MDGA2: variants seen among roughly 807,000 people sequenced by gnomAD.
MDGA2 encodes MAM domain-containing glycosylphosphatidylinositol anchor protein 2.
In MDGA2, 40 loss-of-function variants were observed where a neutral mutation model predicts 117.8. The ratio of observed to expected loss-of-function variants is 0.34; its 90% CI spans 0.26 to 0.44. The LOEUF (loss-of-function observed/expected upper bound fraction) is 0.44. Ranked by LOEUF, MDGA2 falls within the 20% of genes least tolerant of loss-of-function variation. MDGA2 has a pLI of 1.00. For missense variants in MDGA2, 1,123 were observed against 1,250.6 expected (o/e 0.90, Z 1.54); for synonymous variants, 452 against 439.0 (o/e 1.03, Z -0.37).
intron 8 of MDGA2, among the ~76,000 whole-genome samples, chr14:46,978,266 T>C (rs1241085920): frequency 6.6e-6 from 1 of 151,988 alleles, no homozygotes; most frequent in African/African-American, 2.4e-5. Flanking sequence ...ATGAAAAATA[T>C]GTTAGGAACC....
chr14:47,141,642 T>C (rs564967596), intron 4 of MDGA2, among the ~76,000 whole-genome samples: 106 of 152,248 alleles, frequency 7.0e-4, no homozygotes, highest in African/African-American at 2.5e-3. Flanking sequence ...TACTATATTA[T>C]CTACTCATGT....
intron 1 of MDGA2, among the ~76,000 whole-genome samples, chr14:47,643,604 C>A (rs1385240998): frequency 2.0e-5 from 3 of 152,064 alleles, no homozygotes; most frequent in African/African-American, 4.8e-5. Context: ...AGCAAAGAGG[C>A]ACCAAATGTT....
intron 2 of MDGA2, among the ~76,000 whole-genome samples, chr14:47,253,485 C>T: frequency 6.6e-6 from 1 of 152,230 alleles, no homozygotes; most frequent in East Asian, 1.9e-4. Context: ...ATCATTAAAA[C>T]TTAAAGTTCC....
intron 3 of MDGA2, among the ~76,000 whole-genome samples, chr14:47,165,661 G>A (rs980490677): frequency 1.9e-4 from 29 of 152,208 alleles, no homozygotes; most frequent in African/African-American, 6.8e-4. Context: ...ATAAATCAAA[G>A]TGGAAGGGTC....
At chr14:47,057,551 GT>G (rs967644064) in intron 7 of MDGA2, among the ~76,000 whole-genome samples, 1 of 151,958 alleles carries the variant, frequency 6.6e-6, no homozygotes, top group African/African-American at 2.4e-5. Context: ...ATATATCATA[GT>G]TTTTATCAAT....
chr14:47,639,853 T>C (rs1348381667), intron 1 of MDGA2, among the ~76,000 whole-genome samples: 5 of 152,156 alleles, frequency 3.3e-5, no homozygotes, highest in African/African-American at 1.2e-4. Flanking sequence ...CAAATATCTA[T>C]ATAGCTTAAA....
chr14:46,968,161 G>A (rs1886110944), intron 8 of MDGA2, among the ~76,000 whole-genome samples: 1 of 152,126 alleles, frequency 6.6e-6, no homozygotes, highest in African/African-American at 2.4e-5. Context: ...GCAGGAGGCT[G>A]GGCACTTTCA....
chr14:46,854,185 A>G (rs886713434), intron 15 of MDGA2, among the ~76,000 whole-genome samples: 10 of 151,792 alleles, frequency 6.6e-5, no homozygotes, highest in African/African-American at 2.4e-4. Context: ...ATGCCATGAA[A>G]TGCATAAAAA....
At chr14:47,452,016 A>G (rs1187074991) in intron 1 of MDGA2, among the ~76,000 whole-genome samples, 1 of 152,136 alleles carries the variant, frequency 6.6e-6, no homozygotes, top group Non-Finnish European at 1.5e-5. Context: ...GATTTGCTCA[A>G]TATGGTGCAC....
intron 2 of MDGA2, among the ~76,000 whole-genome samples, chr14:47,254,709 C>T (rs1159391647): frequency 6.6e-6 from 1 of 152,128 alleles, no homozygotes; most frequent in Non-Finnish European, 1.5e-5. Context: ...TTATCCAGTT[C>T]CAATTTTCGG....
At chr14:47,134,795 A>C (rs1594656833) in intron 4 of MDGA2, among the ~76,000 whole-genome samples, 1 of 151,306 alleles carries the variant, frequency 6.6e-6, no homozygotes, top group Admixed American at 6.6e-5. Context: ...ATATATATAT[A>C]TCACACACAT....
At chr14:47,322,226 G>C (rs979776986) in intron 1 of MDGA2, among the ~76,000 whole-genome samples, 4 of 152,112 alleles carry the variant, frequency 2.6e-5, no homozygotes, top group Non-Finnish European at 5.9e-5. Flanking sequence ...AACCTTAGCA[G>C]AAATAACTTA....
intron 1 of MDGA2, among the ~76,000 whole-genome samples, chr14:47,583,676 G>T (rs555799711): frequency 9.8e-4 from 149 of 151,684 alleles, no homozygotes; most frequent in African/African-American, 3.5e-3. Context: ...CTCTGTATTT[G>T]GATCTTGGAT....
At chr14:47,609,831 G>A (rs1896816093) in intron 1 of MDGA2, among the ~76,000 whole-genome samples, 1 of 151,786 alleles carries the variant, frequency 6.6e-6, no homozygotes. Context: ...TATTCCACAA[G>A]ACAGAGACAG....
At chr14:47,371,959 G>C (rs1037827262) in intron 1 of MDGA2, among the ~76,000 whole-genome samples, 2 of 151,382 alleles carry the variant, frequency 1.3e-5, no homozygotes, top group Non-Finnish European at 3.0e-5. Flanking sequence ...TTTGAAATAT[G>C]TTTACAAAAA....
At chr14:47,440,482 G>A (rs961555429) in intron 1 of MDGA2, among the ~76,000 whole-genome samples, 1 of 152,070 alleles carries the variant, frequency 6.6e-6, no homozygotes, top group South Asian at 2.1e-4. Context: ...GACAGTGATG[G>A]CAACTTAAGT....
At chr14:46,930,855 A>G (rs575041339) in intron 9 of MDGA2, among the ~76,000 whole-genome samples, 1 of 152,246 alleles carries the variant, frequency 6.6e-6, no homozygotes, top group African/African-American at 2.4e-5. Context: ...TCTTCTTCAT[A>G]TATTGTCCCA....
At chr14:47,570,653 G>A (rs1282419267) in intron 1 of MDGA2, among the ~76,000 whole-genome samples, 1 of 152,146 alleles carries the variant, frequency 6.6e-6, no homozygotes, top group Non-Finnish European at 1.5e-5. Flanking sequence ...CAAGCAATGG[G>A]GAAAGGATTC....
chr14:47,229,112 A>G (rs543641139), intron 2 of MDGA2, among the ~76,000 whole-genome samples: 1 of 152,312 alleles, frequency 6.6e-6, no homozygotes, highest in African/African-American at 2.4e-5. Context: ...CCTGGCAAAC[A>G]GGTATGGTAT....
Sources: allele counts gnomAD v4.1 joint callset (sites outside exome capture counted in the v4.1 genomes callset), GRCh38; gene constraint gnomAD v4.1.1; transcripts MANE v1.5; gene names NCBI Gene and HGNC (gene_info 2026-07-23, HGNC 2026-07-21).